DLG2: variants seen among roughly 807,000 people sequenced by gnomAD.
The protein encoded by DLG2 is disks large homolog 2.
A neutral mutation model predicts 132.5 loss-of-function variants in DLG2; 45 were observed. The observed-to-expected ratio is 0.34, with a 90% CI of 0.27 to 0.44. DLG2 has a LOEUF of 0.44. Ranked by LOEUF, DLG2 falls within the 20% of genes least tolerant of loss-of-function variation. The pLI is 1.00. For missense variants in DLG2, 1,045 were observed against 1,196.9 expected (o/e 0.87, Z 1.87); for synonymous variants, 424 against 419.6 (o/e 1.01, Z -0.13).
At chr11:84,220,513 A>C (rs1446912469) in intron 8 of DLG2, among the ~76,000 whole-genome samples, 1 of 152,232 alleles carries the variant, frequency 6.6e-6, no homozygotes, top group Non-Finnish European at 1.5e-5. Flanking sequence ...ATTAAAAATT[A>C]AAAGAGGGAT....
intron 6 of DLG2, among the ~76,000 whole-genome samples, chr11:84,926,609 G>A (rs756953173): frequency 1.1e-4 from 16 of 151,876 alleles, no homozygotes; most frequent in South Asian, 1.0e-3. Context: ...GTGTGTCTGT[G>A]CATGTGTGAA....
At chr11:84,769,566 T>TCAAGAAAATTTCACTGATCTTGCTA (rs1288863817) in intron 6 of DLG2, among the ~76,000 whole-genome samples, 2 of 152,170 alleles carry the variant, frequency 1.3e-5, no homozygotes, top group East Asian at 3.8e-4. Flanking sequence ...AGGAAATAAT[T>TCAAGAAAATTTCACTGATCTTGCTA]CAAGAAAATT....
chr11:84,713,187 T>A (rs955407209), intron 6 of DLG2, among the ~76,000 whole-genome samples: 5 of 152,212 alleles, frequency 3.3e-5, no homozygotes, highest in African/African-American at 9.6e-5. Context: ...GAGTACAAAA[T>A]TATATTGGAA....
chr11:83,533,576 A>G (rs546535188), intron 20 of DLG2, among the ~76,000 whole-genome samples: 18 of 152,172 alleles, frequency 1.2e-4, no homozygotes, highest in Admixed American at 9.8e-4. Flanking sequence ...AGGAAATATC[A>G]ATGTATCTGA....
chr11:84,361,198 G>A (rs1052229857), intron 7 of DLG2, among the ~76,000 whole-genome samples: 4 of 151,868 alleles, frequency 2.6e-5, no homozygotes, highest in African/African-American at 9.7e-5. Context: ...ATGACCAATA[G>A]TTTTCCACAT....
rs778238384 is a variant in DLG2, at chr11:84,310,237, C to T, written c.520-58946G>A. Among the ~76,000 whole-genome samples the T allele has an allele frequency of 8.5e-5, 13 of 152,196 alleles. No individual in the cohort carries two copies. In the South Asian group the frequency reaches 1.5e-3, roughly 17 times the overall value. On this transcript the variant is annotated intron_variant, in intron 7 of 27. Transcript: ENST00000376104. ...TTCAAAAGGTCTTATTTTTGCAAGA[C>T]GCGGTGGAGAGAATAAGGAAGTCAT...
chr11:83,479,293 TA>T (rs2092896877), intron 22 of DLG2, among the ~76,000 whole-genome samples: 1 of 151,710 alleles, frequency 6.6e-6, no homozygotes, highest in African/African-American at 2.4e-5. Flanking sequence ...AAGCCTTTCT[TA>T]AAAATCCAAA....
At chr11:83,591,519 AC>A (rs2153314098) in intron 19 of DLG2, among the ~76,000 whole-genome samples, 1 of 91,810 alleles carries the variant, frequency 1.1e-5, no homozygotes, top group South Asian at 4.8e-4. Context: ...TCTATGACAA[AC>A]CCACAGCCAA....
chr11:85,579,971 C>A (rs2153228614), intron 3 of DLG2, among the ~76,000 whole-genome samples: 1 of 152,258 alleles, frequency 6.6e-6, no homozygotes, highest in African/African-American at 2.4e-5. Flanking sequence ...CCACAATTCA[C>A]ACATGTTGTG....
chr11:83,746,035 T>TTTGTGTTA (rs2092885029), intron 18 of DLG2, among the ~76,000 whole-genome samples: 1 of 152,134 alleles, frequency 6.6e-6, no homozygotes, highest in African/African-American at 2.4e-5. Flanking sequence ...AGTTACCATC[T>TTTGTGTTA]CACACCAGTT....
At chr11:85,168,058 G>A (rs1371249526) in intron 4 of DLG2, among the ~76,000 whole-genome samples, 1 of 152,116 alleles carries the variant, frequency 6.6e-6, no homozygotes, top group Non-Finnish European at 1.5e-5. Flanking sequence ...GAGTTCAAGA[G>A]AAGAGAGTAT....
At chr11:85,092,815 G>A (rs901292251) in intron 6 of DLG2, among the ~76,000 whole-genome samples, 9 of 151,948 alleles carry the variant, frequency 5.9e-5, no homozygotes, top group African/African-American at 2.2e-4. Context: ...GCTAATTTTT[G>A]TATTTTTAGT....
At chr11:85,500,556 T>A (rs12285625) in intron 3 of DLG2, among the ~76,000 whole-genome samples, 6 of 38,598 alleles carry the variant, frequency 1.6e-4, no homozygotes, top group East Asian at 7.3e-4. Flanking sequence ...AAAATAAAAA[T>A]AAAATAAATA....
At chr11:84,829,241 T>C (rs1387482449) in intron 6 of DLG2, among the ~76,000 whole-genome samples, 1 of 151,624 alleles carries the variant, frequency 6.6e-6, no homozygotes, top group Non-Finnish European at 1.5e-5. Flanking sequence ...TTTGTTTTGA[T>C]TAATGGAATG....
intron 6 of DLG2, among the ~76,000 whole-genome samples, chr11:84,858,014 T>C (rs911993609): frequency 2.6e-5 from 4 of 152,066 alleles, no homozygotes; most frequent in African/African-American, 9.6e-5. Context: ...TTTTTTAGCC[T>C]CTTGAATAGC....
intron 11 of DLG2, among the ~76,000 whole-genome samples, chr11:84,021,539 C>G (rs2095394369): frequency 6.6e-6 from 1 of 152,200 alleles, no homozygotes; most frequent in South Asian, 2.1e-4. Context: ...TAGGATACTC[C>G]TCTCTGATAT....
At chr11:84,526,239 AT>A (rs1343208771) in intron 7 of DLG2, among the ~76,000 whole-genome samples, 1 of 152,196 alleles carries the variant, frequency 6.6e-6, no homozygotes, top group Non-Finnish European at 1.5e-5. Context: ...AAGTTAATGG[AT>A]TTAACTCCTC....
At chr11:83,689,009 T>C (rs976879355) in intron 18 of DLG2, among the ~76,000 whole-genome samples, 1 of 152,164 alleles carries the variant, frequency 6.6e-6, no homozygotes, top group African/African-American at 2.4e-5. Flanking sequence ...AGAAGAACGA[T>C]GTAATCAAGG....
chr11:84,236,356 G>A (rs781252864), intron 8 of DLG2, among the ~76,000 whole-genome samples: 2 of 152,202 alleles, frequency 1.3e-5, no homozygotes, highest in Non-Finnish European at 2.9e-5. Flanking sequence ...GTGGACTTGG[G>A]CAGGGTTTTG....
Sources: gnomAD v4.1 joint callset for allele counts (sites outside exome capture counted in the v4.1 genomes callset) on GRCh38, gnomAD v4.1.1 for gene constraint, MANE v1.5 for transcripts, NCBI Gene and HGNC (gene_info 2026-07-23, HGNC 2026-07-21) for gene names.